The following UNK variants were observed in gnomAD, a reference collection of about 807,000 sequenced individuals.
UNK encodes the protein RING finger protein unkempt homolog.
In UNK, 32 loss-of-function variants were observed where a neutral mutation model predicts 97.6. The observed-to-expected ratio is 0.33, with a 90% CI of 0.25 to 0.44. The LOEUF is 0.44. UNK is among the 20% of genes least tolerant of loss of function. The probability of loss-of-function intolerance (pLI) is 1.00; values close to 1 mark genes in which losing one functional copy is unlikely to be tolerated. For missense variants in UNK, 771 were observed against 1,098.4 expected, an observed-to-expected ratio of 0.70 and a Z score of 4.21; for synonymous variants, 441 against 461.2, an observed-to-expected ratio of 0.96 and a Z score of 0.56.
chr17:75,785,076 TCTTCCTCCCCCC>T (rs1169771105), intron 1 of UNK, 92 bp downstream of exon 1: 5 of 780,322 alleles, frequency 6.4e-6, no homozygotes, highest in South Asian at 2.1e-5. Context: ...CGAGGCGGCC[TCTTCCTCCCCCC>T]CTTCCTCCTC....
chr17:75,789,406 G>A (rs781566259), intron 1 of UNK, among the ~76,000 whole-genome samples: 3 of 151,764 alleles, frequency 2.0e-5, no homozygotes, highest in Non-Finnish European at 4.4e-5. Context: ...GCGCGATCTC[G>A]GCTCACTGCA....
intron 1 of UNK, among the ~76,000 whole-genome samples, chr17:75,804,594 T>C (rs1479114311): frequency 6.6e-6 from 1 of 151,998 alleles, no homozygotes; most frequent in Non-Finnish European, 1.5e-5. Context: ...TCCCAGCACA[T>C]TGGGAGGTTG....
chr17:75,806,352 G>A (rs925092900), intron 1 of UNK, among the ~76,000 whole-genome samples: 1 of 152,116 alleles, frequency 6.6e-6, no homozygotes, highest in Non-Finnish European at 1.5e-5. Context: ...TCAGCTACTT[G>A]GGAGGCTGAG....
chr17:75,806,462 CAAAAAA>C (rs113892974), intron 1 of UNK, among the ~76,000 whole-genome samples: 1 of 126,730 alleles, frequency 7.9e-6, no homozygotes, highest in Non-Finnish European at 1.7e-5. Flanking sequence ...GACTCCGTCT[CAAAAAA>C]AAAAAAGCAA....
chr17:75,810,055 A>C, intron 2 of UNK, 86 bp downstream of exon 2: 1 of 1,509,224 alleles, frequency 6.6e-7, no homozygotes, highest in African/African-American at 1.4e-5. Flanking sequence ...GATTCTGGGA[A>C]GCCATCCAGA....
rs115019281 is a variant in UNK at position 75,816,334 on chromosome 17, C to T, written c.962-436C>T. ...TGGAAAATAAATCGAGGGCCCTGGG[C>T]GGGAGAAGCATATTCTTGATGCAGA... is the stretch of plus-strand genomic sequence containing the variant. On this transcript the variant is annotated intron_variant, in intron 7 of 15. Transcript: ENST00000589666. This position sits in a 1 kb window ranked among gnomAD's most constrained non-coding sequence, Gnocchi z 4.0. Among the ~76,000 whole-genome samples, 121 of 152,254 alleles carry T rather than the reference C, an allele frequency of 7.9e-4. No homozygotes were observed. Among genetic ancestry groups the T allele is most frequent in the African/African-American group, 2.8e-3 (117 of 41,538 alleles).
intron 1 of UNK, among the ~76,000 whole-genome samples, chr17:75,787,285 C>T (rs938358752): frequency 1.3e-5 from 2 of 152,096 alleles, no homozygotes; most frequent in Non-Finnish European, 2.9e-5. Flanking sequence ...CATCTCAGCT[C>T]ACTGTAGCCT....
At chr17:75,815,379 G>A in intron 7 of UNK, 126 bp downstream of exon 7, 1 of 848,578 alleles carries the variant, frequency 1.2e-6, no homozygotes, top group Middle Eastern at 3.5e-4. Context: ...CCTGCCAGCA[G>A]CAGGCCTTGT....
chr17:75,797,424 G>C (rs536186572), intron 1 of UNK, among the ~76,000 whole-genome samples: 3 of 152,200 alleles, frequency 2.0e-5, no homozygotes, highest in African/African-American at 7.2e-5. Flanking sequence ...TAGTAGAGAT[G>C]GGGTTTCCCC....
At position 75,824,197 on chromosome 17, in the gene UNK, G is replaced by A. The variant is rs888376249; in HGVS notation, c.2278-65G>A. 23 of 1,480,422 alleles carry A rather than the reference G, an allele frequency of 1.6e-5. No individual in the cohort carries two copies. In the African/African-American group the frequency reaches 2.2e-4, roughly 14 times the overall value. The allele number at this position is 1,480,422 out of a possible 1,614,324, so 91.7% of individuals were successfully genotyped here. On this transcript the variant is annotated intron_variant, in intron 15 of 15. Transcript: ENST00000589666. This position sits in a 1 kb window ranked among gnomAD's most constrained non-coding sequence, Gnocchi z 4.9. Reference sequence around the variant, plus strand: ...CCAAGGGGCTGCAGTGAGGATCAAGGGAACTCCTCGCTCAACTTGGGGCCA... The same window carrying A: ...CCAAGGGGCTGCAGTGAGGATCAAGAGAACTCCTCGCTCAACTTGGGGCCA...
intron 1 of UNK, among the ~76,000 whole-genome samples, chr17:75,798,701 A>G (rs1306121250): frequency 3.9e-5 from 6 of 152,062 alleles, no homozygotes; most frequent in Non-Finnish European, 7.4e-5. Flanking sequence ...TGGAGGAAAT[A>G]GAAACAGGAA....
intron 1 of UNK, among the ~76,000 whole-genome samples, chr17:75,801,569 T>C (rs1298881769): frequency 2.0e-5 from 3 of 152,000 alleles, no homozygotes; most frequent in Non-Finnish European, 4.4e-5. Context: ...TCCTTTTTTT[T>C]TTGAGATCAC....
chr17:75,817,337 A>C lies in UNK; in HGVS notation c.1116A>C (p.Arg372Ser), dbSNP rs766058997. Residue 372 changes from arginine (R) to serine (S), a missense_variant, in exon 9 of 16, where the codon AGA becomes AGC. Transcript: ENST00000589666. This position sits in a 1 kb window ranked among gnomAD's most constrained non-coding sequence, Gnocchi z 5.8. ...HAPDLSALLC[R>S]NSSLGSPSNL... The stretch of plus-strand genomic sequence containing the variant: ...CTCCTTCTCCGCAGCTCCTCTGTAG[A>C]AACAGCAGCCTAGGCAGCCCGTCTA... The C allele has an allele frequency of 6.3e-7, 1 of 1,588,134 alleles. No homozygotes were observed.
chr17:75,797,800 C>T (rs1470248891), intron 1 of UNK, among the ~76,000 whole-genome samples: 3 of 152,146 alleles, frequency 2.0e-5, no homozygotes, highest in Non-Finnish European at 4.4e-5. Context: ...GTTATTCCAC[C>T]GGCTCAATCT....
At position 75,817,296 on chromosome 17, in the gene UNK, G is replaced by A. The variant is rs375878854; in HGVS notation, c.1105-30G>A. 1.9e-5 allele frequency: 29 copies of A among 1,537,154 alleles called. No individual in the cohort carries two copies. Among genetic ancestry groups the A allele is most frequent in the African/African-American group, 4.1e-5 (3 of 72,668 alleles). On this transcript the variant is annotated intron_variant, in intron 8 of 15. Transcript: ENST00000589666. This position sits in a 1 kb window ranked among gnomAD's most constrained non-coding sequence, Gnocchi z 5.8. ...ACGCACCAGCCTGCGCTGTGCCCAC[G>A]GGCCCACTCCCTCCCCTCCTTCTCC...
chr17:75,814,612 A>G (rs1254858251), intron 6 of UNK, among the ~76,000 whole-genome samples: 3 of 152,008 alleles, frequency 2.0e-5, no homozygotes, highest in African/African-American at 7.2e-5. Flanking sequence ...TCTGGCCCCA[A>G]GAGGTAGCCT....
intron 1 of UNK, among the ~76,000 whole-genome samples, chr17:75,789,933 G>T (rs910930177): frequency 2.0e-5 from 3 of 152,038 alleles, no homozygotes; most frequent in Non-Finnish European, 2.9e-5. Context: ...ATGAGGTCAG[G>T]AGTTCGAGAC....
rs1318377510 is a variant in UNK at position 75,823,371 on chromosome 17, A to G, written c.2126A>G (p.Gln709Arg). ...AREQRDALEV[Q>R]VKKLQEELER... ...GAGCAGCGGGATGCACTGGAGGTGC[A>G]GGTGAAGAAGCTCCAGGAGGAGCTG... is the stretch of plus-strand genomic sequence containing the variant. Residue 709 changes from glutamine to arginine, a missense_variant, in exon 15 of 16, where the codon CAG becomes CGG. Transcript: ENST00000589666. The G allele has an allele frequency of 1.2e-6, 2 of 1,611,136 alleles. No homozygotes were observed. Among genetic ancestry groups the G allele is most frequent in the Middle Eastern group, 1.7e-4 (1 of 6,004 alleles).
chr17:75,789,398 G>A (rs1281416417), intron 1 of UNK, among the ~76,000 whole-genome samples: 1 of 151,820 alleles, frequency 6.6e-6, no homozygotes, highest in Non-Finnish European at 1.5e-5. Context: ...GTGCAGTGGC[G>A]CGATCTCGGC....
Sources: allele counts gnomAD v4.1 joint callset (sites outside exome capture counted in the v4.1 genomes callset), GRCh38; gene constraint gnomAD v4.1.1; non-coding constraint Gnocchi (gnomAD v3.1); transcripts MANE v1.5; gene names NCBI Gene and HGNC (gene_info 2026-07-23, HGNC 2026-07-21).